SUFU: variants seen among roughly 807,000 people sequenced by gnomAD.
SUFU encodes SUFU negative regulator of hedgehog signaling.
Under a neutral mutation model 58.9 loss-of-function variants are expected in SUFU, and 7 were observed. That is an observed-to-expected ratio of 0.12 (90% confidence interval 0.07 to 0.22). SUFU has a LOEUF of 0.22. Ranked by LOEUF, SUFU falls within the 10% of genes least tolerant of loss-of-function variation. The probability of loss-of-function intolerance (pLI) is 1.00; values close to 1 mark genes in which losing one functional copy is unlikely to be tolerated. For missense variants in SUFU, 451 were observed against 641.3 expected (o/e 0.70, Z 3.20); for synonymous variants, 232 against 254.8 (o/e 0.91, Z 0.85).
chr10:102,619,499 C>T lies in SUFU; in HGVS notation c.1296+2071C>T. On this transcript the variant is annotated intron_variant, in intron 10 of 11. Coordinates refer to ENST00000369902, the MANE Select transcript of SUFU (RefSeq NM_016169.4). This position sits in a 1 kb window ranked among gnomAD's most constrained non-coding sequence, Gnocchi z 4.2. Reference sequence around the variant, plus strand: ...GTGTTATGGGCTCATTAGTGTGGTCCACCACGGGGCCGGCTCACAGGAGAG... The same window carrying T: ...GTGTTATGGGCTCATTAGTGTGGTCTACCACGGGGCCGGCTCACAGGAGAG... 2.6e-6 allele frequency: 3 copies of T among 1,145,756 alleles called. No individual in the cohort carries two copies. The highest frequency in any genetic ancestry group is 3.2e-6 in the Non-Finnish European group (3 of 928,280). The allele number at this position is 1,145,756 out of a possible 1,614,324, so 71.0% of individuals were successfully genotyped here. A position where few individuals can be genotyped will look rare whatever the true frequency, so the allele number is the denominator to read the frequency against.
At chr10:102,596,436 T>C (rs2063462237) in intron 6 of SUFU, among the ~76,000 whole-genome samples, 1 of 152,150 alleles carries the variant, frequency 6.6e-6, no homozygotes, top group African/African-American at 2.4e-5. Flanking sequence ...TACTCAGCAG[T>C]ACCAAGGCCT....
intron 2 of SUFU, among the ~76,000 whole-genome samples, chr10:102,529,223 G>A (rs1372299898): frequency 6.6e-6 from 1 of 152,156 alleles, no homozygotes; most frequent in Non-Finnish European, 1.5e-5. Flanking sequence ...AATCTCTGCA[G>A]TTGTTTATTT....
chr10:102,596,289 T>G (rs1175013610), intron 6 of SUFU, among the ~76,000 whole-genome samples: 1 of 152,222 alleles, frequency 6.6e-6, no homozygotes, highest in African/African-American at 2.4e-5. Flanking sequence ...GTCACAAGCT[T>G]GATTTGGCCC....
In SUFU at chr10:102,619,256, C is replaced by T; in HGVS notation, c.1296+1828C>T. On this transcript the variant is annotated intron_variant, in intron 10 of 11. Transcript: ENST00000369902. The surrounding 1 kb of genome is among the most constrained non-coding windows in gnomAD (Gnocchi z 4.2). ...CAACCCCAATTCCCCAAGCCCCTGA[C>T]CCCCTAGCTGCCGGGGTTCCCACTC... 6.8e-7 allele frequency: 1 copy of T among 1,467,184 alleles called. No homozygotes were observed. The highest frequency in any genetic ancestry group is 9.0e-7 in the Non-Finnish European group (1 of 1,110,114). 90.9% of individuals were successfully genotyped at this position (1,467,184 alleles called of 1,614,324 possible). A position where few individuals can be genotyped will look rare whatever the true frequency, so the allele number is the denominator to read the frequency against.
intron 3 of SUFU, among the ~76,000 whole-genome samples, chr10:102,559,587 T>C (rs1171178814): frequency 6.6e-6 from 1 of 152,208 alleles, no homozygotes; most frequent in East Asian, 1.9e-4. Flanking sequence ...GACACATCCA[T>C]GTCTGTCTGT....
chr10:102,613,386 A>G (rs2063646454), intron 8 of SUFU, among the ~76,000 whole-genome samples: 1 of 152,264 alleles, frequency 6.6e-6, no homozygotes, highest in Non-Finnish European at 1.5e-5. Context: ...GAAGGCCAGC[A>G]GGCAGGCACG....
At chr10:102,543,513 A>G (rs1276221022) in intron 2 of SUFU, among the ~76,000 whole-genome samples, 4 of 152,168 alleles carry the variant, frequency 2.6e-5, no homozygotes, top group African/African-American at 9.7e-5. Flanking sequence ...AACCTTCACT[A>G]CAATCTAATT....
intron 3 of SUFU, among the ~76,000 whole-genome samples, chr10:102,581,241 G>C (rs1564691545): frequency 1.4e-5 from 2 of 142,124 alleles, no homozygotes; most frequent in East Asian, 4.1e-4. Flanking sequence ...ATGGGTTTTA[G>C]AAATTAGTAT....
rs1489828487 is a variant in SUFU, at chr10:102,629,422, G to A, written c.1366-644G>A. Reference sequence around the variant, plus strand: ...CCACCACTGGGACCACTCTGAGGCTGGTAACCCTGGGAAGTGGTGCGAATG... The same window carrying A: ...CCACCACTGGGACCACTCTGAGGCTAGTAACCCTGGGAAGTGGTGCGAATG... On this transcript the variant is annotated intron_variant, in intron 11 of 11. Coordinates refer to ENST00000369902, the MANE Select transcript of SUFU (RefSeq NM_016169.4). The surrounding 1 kb of genome is among the most constrained non-coding windows in gnomAD (Gnocchi z 4.7). 5.3e-5 allele frequency among the ~76,000 whole-genome samples: 8 copies of A among 152,174 alleles called. No homozygotes were observed. Among genetic ancestry groups the A allele is most frequent in the Admixed American group, 5.2e-4 (8 of 15,286 alleles).
intron 3 of SUFU, among the ~76,000 whole-genome samples, chr10:102,587,625 G>A (rs1029000571): frequency 2.0e-5 from 3 of 152,084 alleles, no homozygotes; most frequent in Admixed American, 6.6e-5. Flanking sequence ...CCGAGTAGCT[G>A]GGATTACAGG....
intron 8 of SUFU, among the ~76,000 whole-genome samples, chr10:102,602,326 C>G (rs1403107860): frequency 6.6e-6 from 1 of 152,118 alleles, no homozygotes; most frequent in African/African-American, 2.4e-5. Context: ...CTCAGGGACC[C>G]CATGGGGGAC....
intron 7 of SUFU, 54 bp downstream of exon 7, chr10:102,597,347 G>A: frequency 6.3e-7 from 1 of 1,588,568 alleles, no homozygotes; most frequent in Non-Finnish European, 8.6e-7. Context: ...TTTCCCCAGG[G>A]CCTGGTTTCC....
rs1554854578 is a variant in SUFU at position 102,615,333 on chromosome 10, C to T, written c.1088C>T (p.Thr363Met). ...TAIIPHELIR[T>M]RQLESVHLKF... ...ATCATTCCCCATGAGCTGATTCGCA[C>T]GCGGCAGCTTGAGAGCGTACATCTG... Residue 363 changes from threonine to methionine, a missense_variant, in exon 9 of 12, where the codon ACG becomes ATG. Physicochemically the swap from Thr to Met is moderately conservative, Grantham distance 81 (BLOSUM62 -1). Transcript: ENST00000369902. The T allele has an allele frequency of 5.0e-6, 8 of 1,614,032 alleles. No individual in the cohort carries two copies. The highest frequency in any genetic ancestry group is 6.8e-6 in the Non-Finnish European group (8 of 1,180,036).
At chr10:102,573,795 A>C (rs983224467) in intron 3 of SUFU, among the ~76,000 whole-genome samples, 5 of 152,206 alleles carry the variant, frequency 3.3e-5, no homozygotes, top group African/African-American at 1.2e-4. Flanking sequence ...TCATAGAGAC[A>C]GAAGGCAAAA....
At chr10:102,518,127 A>C (rs1035798357) in intron 2 of SUFU, among the ~76,000 whole-genome samples, 48 of 152,208 alleles carry the variant, frequency 3.2e-4, no homozygotes, top group African/African-American at 1.1e-3. Context: ...ACAAACAATT[A>C]TAGCCCTTAC....
At chr10:102,547,011 AT>A (rs1273228201) in intron 2 of SUFU, among the ~76,000 whole-genome samples, 1 of 152,212 alleles carries the variant, frequency 6.6e-6, no homozygotes, top group East Asian at 1.9e-4. Context: ...TGATCCAGTG[AT>A]TTCTTTCTCT....
chr10:102,551,315 G>T (rs1024763140), intron 3 of SUFU, among the ~76,000 whole-genome samples: 1 of 152,266 alleles, frequency 6.6e-6, no homozygotes. Context: ...AAACCTTCCT[G>T]TGGGGCTCCA....
chr10:102,536,203 G>A (rs947383050), intron 2 of SUFU, among the ~76,000 whole-genome samples: 3 of 151,926 alleles, frequency 2.0e-5, no homozygotes, highest in Non-Finnish European at 4.4e-5. Flanking sequence ...GACCTCAGGT[G>A]ATCCACCTGC....
chr10:102,538,338 TA>T (rs2062764517), intron 2 of SUFU, among the ~76,000 whole-genome samples: 1 of 144,586 alleles, frequency 6.9e-6, no homozygotes, highest in Non-Finnish European at 1.5e-5. Context: ...TGAATATACT[TA>T]TGCAAGAGGC....
Sources: gnomAD v4.1 joint callset for allele counts (sites outside exome capture counted in the v4.1 genomes callset) on GRCh38, gnomAD v4.1.1 for gene constraint, Gnocchi (gnomAD v3.1) non-coding constraint, MANE v1.5 for transcripts, NCBI Gene and HGNC (gene_info 2026-07-23, HGNC 2026-07-21) for gene names.